Variants in TTC28 observed in about 807,000 individuals in gnomAD.
The protein encoded by TTC28 is tetratricopeptide repeat protein 28.
A neutral mutation model predicts 198.0 loss-of-function variants in TTC28; 61 were observed. That is an observed-to-expected ratio of 0.31 (90% CI 0.25 to 0.38). TTC28 has a LOEUF of 0.38. TTC28 is among the 10% of genes least tolerant of loss of function. The pLI is 1.00. For missense variants in TTC28, 2,678 were observed against 3,164.0 expected, an observed-to-expected ratio of 0.85 and a Z score of 3.69; for synonymous variants, 1,171 against 1,297.8, an observed-to-expected ratio of 0.90 and a Z score of 2.10.
At chr22:28,497,460 G>A (rs957573340) in intron 2 of TTC28, among the ~76,000 whole-genome samples, 1 of 152,032 alleles carries the variant, frequency 6.6e-6, no homozygotes, top group Non-Finnish European at 1.5e-5. Context: ...CTCAAACCTG[G>A]CTGCACATTA....
intron 2 of TTC28, among the ~76,000 whole-genome samples, chr22:28,484,975 G>C (rs1051431913): frequency 2.0e-5 from 3 of 152,120 alleles, no homozygotes; most frequent in African/African-American, 7.2e-5. Context: ...TCAAAGTCCA[G>C]TATATTTTTA....
intron 5 of TTC28, among the ~76,000 whole-genome samples, chr22:28,201,356 T>A (rs1925922473): frequency 6.6e-6 from 1 of 152,104 alleles, no homozygotes; most frequent in Non-Finnish European, 1.5e-5. Context: ...ACAAGTTTGA[T>A]GAAGACTGGA....
At chr22:28,309,472 A>G (rs1222543107) in intron 2 of TTC28, among the ~76,000 whole-genome samples, 1 of 152,212 alleles carries the variant, frequency 6.6e-6, no homozygotes, top group East Asian at 1.9e-4. Context: ...CCTTCTCCAA[A>G]GGAAAGGTCA....
At position 28,422,539 on chromosome 22, in the gene TTC28, C is replaced by T. The variant is rs1243801176; in HGVS notation, c.382-115896G>A. 2.6e-5 allele frequency among the ~76,000 whole-genome samples: 4 copies of T among 151,680 alleles called. No homozygotes were observed. The South Asian group carries it at 6.2e-4, about 24-fold the overall frequency. On this transcript the variant is annotated intron_variant, in intron 2 of 22. Transcript: ENST00000397906. The stretch of plus-strand genomic sequence containing the variant: ...CTGCAAGCTCCACCTCCCAGGTTCA[C>T]GCCATTCTCCTGCCTCAGCCTCCCG...
At chr22:28,619,180 A>G (rs1469653726) in intron 2 of TTC28, among the ~76,000 whole-genome samples, 1 of 152,236 alleles carries the variant, frequency 6.6e-6, no homozygotes, top group Non-Finnish European at 1.5e-5. Context: ...CAGAGTGATT[A>G]TTACCATCAT....
At chr22:27,996,586 AG>A (rs1937556295) in intron 16 of TTC28, among the ~76,000 whole-genome samples, 1 of 151,930 alleles carries the variant, frequency 6.6e-6, no homozygotes, top group Admixed American at 6.5e-5. Flanking sequence ...TTAGGCCTTT[AG>A]GGGGGAACAC....
chr22:28,495,368 A>C (rs1165716798), intron 2 of TTC28, among the ~76,000 whole-genome samples: 1 of 152,202 alleles, frequency 6.6e-6, no homozygotes, highest in Non-Finnish European at 1.5e-5. Context: ...TTTAAAGTGC[A>C]TCAGAATTCT....
chr22:28,276,729 C>T (rs904073694), intron 5 of TTC28, among the ~76,000 whole-genome samples: 2 of 152,080 alleles, frequency 1.3e-5, no homozygotes, highest in Admixed American at 1.3e-4. Flanking sequence ...AGTTTAATAA[C>T]TTACCTAAGA....
At chr22:28,351,606 C>A (rs1315376408) in intron 2 of TTC28, among the ~76,000 whole-genome samples, 8 of 152,100 alleles carry the variant, frequency 5.3e-5, no homozygotes, top group Non-Finnish European at 5.9e-5. Flanking sequence ...CAATATGGGG[C>A]CAGCAGATGT....
chr22:28,659,615 T>C (rs892483335), intron 1 of TTC28, among the ~76,000 whole-genome samples: 14 of 151,962 alleles, frequency 9.2e-5, no homozygotes, highest in African/African-American at 2.9e-4. Flanking sequence ...ATAAAGAATA[T>C]GCCTGGTGTG....
chr22:28,427,418 C>T (rs1322590977), intron 2 of TTC28, among the ~76,000 whole-genome samples: 1 of 152,148 alleles, frequency 6.6e-6, no homozygotes, highest in Non-Finnish European at 1.5e-5. Context: ...CTTTGGGAGG[C>T]CGAGGAGGGC....
At chr22:28,604,297 T>TTATATATATATATATATA (rs35077140) in intron 2 of TTC28, among the ~76,000 whole-genome samples, 10 of 114,126 alleles carry the variant, frequency 8.8e-5, no homozygotes, top group Admixed American at 1.8e-4. Flanking sequence ...AAAAAAAAAA[T>TTATATATATATATATATA]TATATATATA....
intron 2 of TTC28, among the ~76,000 whole-genome samples, chr22:28,380,870 C>T (rs375969360): frequency 9.2e-5 from 14 of 152,112 alleles, no homozygotes; most frequent in African/African-American, 2.7e-4. Flanking sequence ...GGATCTTCCA[C>T]TATGTCACTG....
chr22:28,121,954 G>A (rs779497506), intron 6 of TTC28, among the ~76,000 whole-genome samples: 2 of 152,100 alleles, frequency 1.3e-5, no homozygotes, highest in Admixed American at 6.5e-5. Flanking sequence ...TGCAAACTCC[G>A]CCTCCCAGGT....
intron 5 of TTC28, among the ~76,000 whole-genome samples, chr22:28,181,636 T>G (rs1287797947): frequency 6.6e-6 from 1 of 152,200 alleles, no homozygotes; most frequent in African/African-American, 2.4e-5. Context: ...TGCCTGCTAC[T>G]TCCTCCTGAA....
chr22:28,344,885 C>T (rs2045882417), intron 2 of TTC28, among the ~76,000 whole-genome samples: 1 of 152,172 alleles, frequency 6.6e-6, no homozygotes, highest in South Asian at 2.1e-4. Flanking sequence ...CAGATCTTTA[C>T]ATATCAGACA....
At chr22:28,407,520 G>C (rs907163690) in intron 2 of TTC28, among the ~76,000 whole-genome samples, 4 of 152,052 alleles carry the variant, frequency 2.6e-5, no homozygotes, top group Admixed American at 2.6e-4. Context: ...AAAGGTTTTA[G>C]TGTTTAGATT....
intron 2 of TTC28, among the ~76,000 whole-genome samples, chr22:28,515,991 C>T (rs2048778593): frequency 6.6e-6 from 1 of 151,848 alleles, no homozygotes; most frequent in Non-Finnish European, 1.5e-5. Flanking sequence ...CTAAAAAATA[C>T]AAAAATTAAC....
At chr22:28,569,312 C>T (rs918094833) in intron 2 of TTC28, among the ~76,000 whole-genome samples, 3 of 151,904 alleles carry the variant, frequency 2.0e-5, no homozygotes, top group Admixed American at 2.0e-4. Flanking sequence ...GCTACAGTAA[C>T]CAAAACAACA....
Sources: gnomAD v4.1 joint callset for allele counts (sites outside exome capture counted in the v4.1 genomes callset) on GRCh38, gnomAD v4.1.1 for gene constraint, MANE v1.5 for transcripts, NCBI Gene and HGNC (gene_info 2026-07-23, HGNC 2026-07-21) for gene names.